Variants in GNA14 observed in about 807,000 individuals in gnomAD.
GNA14 encodes G protein subunit alpha 14.
Under a neutral mutation model 42.0 loss-of-function variants are expected in GNA14, and 50 were observed. That is an observed-to-expected ratio of 1.19 (90% CI 0.95 to 1.51). The LOEUF (loss-of-function observed/expected upper bound fraction) is 1.51, where lower values mean the gene tolerates loss of function less well. Among genes scored for constraint, GNA14 ranks in the 40% most tolerant of loss-of-function variants. The pLI, the probability that GNA14 is intolerant of heterozygous loss-of-function variation, is 0.00. For missense variants in GNA14, 473 were observed against 446.2 expected, an observed-to-expected ratio of 1.06 and a Z score of -0.54; for synonymous variants, 173 against 163.1, an observed-to-expected ratio of 1.06 and a Z score of -0.46.
At chr9:77,504,750 C>T (rs1346516499) in intron 2 of GNA14, among the ~76,000 whole-genome samples, 1 of 149,410 alleles carries the variant, frequency 6.7e-6, no homozygotes, top group Non-Finnish European at 1.5e-5. Context: ...TCACTGCAAC[C>T]TCTGCCTCCT....
In GNA14 at chr9:77,583,369, G is replaced by T. The variant is rs139820224; in HGVS notation, c.125-54116C>A. Among the ~76,000 whole-genome samples, 676 of 152,298 alleles carry T rather than the reference G, an allele frequency of 4.4e-3. 10 individuals carry two copies. Among genetic ancestry groups the T allele is most frequent in the African/African-American group, 0.015 (641 of 41,568 alleles). On this transcript the variant is annotated intron_variant, in intron 1 of 6. Transcript: ENST00000341700. The stretch of plus-strand genomic sequence containing the variant: ...GCAAGCAGCTGGGAAATGTGGAAAA[G>T]CTCTGGCAACAGAAAACCCCAATTC...
At chr9:77,571,031 A>G (rs1287905686) in intron 1 of GNA14, among the ~76,000 whole-genome samples, 1 of 152,160 alleles carries the variant, frequency 6.6e-6, no homozygotes, top group Non-Finnish European at 1.5e-5. Flanking sequence ...TGATAGAGGT[A>G]TTATTTTATA....
chr9:77,626,981 C>T (rs888498270), intron 1 of GNA14, among the ~76,000 whole-genome samples: 4 of 152,000 alleles, frequency 2.6e-5, no homozygotes, highest in African/African-American at 9.7e-5. Context: ...AATAGATAGA[C>T]CACTAACAAG....
chr9:77,492,827 C>G (rs1244790901), intron 2 of GNA14, among the ~76,000 whole-genome samples: 1 of 151,088 alleles, frequency 6.6e-6, no homozygotes, highest in Non-Finnish European at 1.5e-5. Flanking sequence ...CATAATGAAC[C>G]CCATCTCAGC....
chr9:77,423,695 T>A lies in GNA14; in HGVS notation c.*284A>T, dbSNP rs527528425. 34 of 212,712 alleles carry A rather than the reference T, an allele frequency of 1.6e-4. No individual in the cohort carries two copies. The South Asian group carries it at 6.3e-3, about 39-fold the overall frequency. The allele number at this position is 212,712 out of a possible 1,614,324, so 13.2% of individuals were successfully genotyped here. A position where few individuals can be genotyped will look rare whatever the true frequency, so the allele number is the denominator to read the frequency against. ...ATTTAAAACTAAATCAAAGTGGCTT[T>A]TAAAAATTCTAGAAAACACCAAATT... is the stretch of plus-strand genomic sequence containing the variant. On this transcript the variant is annotated 3_prime_UTR_variant, in exon 7 of 7. Transcript: ENST00000341700.
intron 1 of GNA14, among the ~76,000 whole-genome samples, chr9:77,552,408 G>A (rs932424852): frequency 6.6e-6 from 1 of 152,084 alleles, no homozygotes; most frequent in African/African-American, 2.4e-5. Flanking sequence ...TTTGGTTTCT[G>A]GAAAGAATGG....
intron 1 of GNA14, among the ~76,000 whole-genome samples, chr9:77,601,463 A>T (rs541579777): frequency 1.4e-4 from 22 of 152,348 alleles, no homozygotes; most frequent in African/African-American, 5.1e-4. Context: ...CTCTGACCTT[A>T]TATGTTTTAG....
chr9:77,427,086 A>T (rs1376273422), intron 5 of GNA14, among the ~76,000 whole-genome samples: 2 of 152,226 alleles, frequency 1.3e-5, no homozygotes, highest in Admixed American at 1.3e-4. Flanking sequence ...TACAGAGTGG[A>T]TATAATACAT....
intron 1 of GNA14, among the ~76,000 whole-genome samples, chr9:77,641,878 G>T (rs537770255): frequency 6.6e-6 from 1 of 152,050 alleles, no homozygotes; most frequent in Non-Finnish European, 1.5e-5. Flanking sequence ...AGAAAAACAC[G>T]CTTAAGAGTT....
chr9:77,533,233 G>C (rs1229753955), intron 1 of GNA14, among the ~76,000 whole-genome samples: 1 of 152,192 alleles, frequency 6.6e-6, no homozygotes, highest in East Asian at 1.9e-4. Context: ...CTGGAGTGCA[G>C]TGACATGATC....
chr9:77,625,017 T>TATA (rs1823990867), intron 1 of GNA14, among the ~76,000 whole-genome samples: 1 of 150,872 alleles, frequency 6.6e-6, no homozygotes, highest in African/African-American at 2.4e-5. Context: ...AAAAAAAGGC[T>TATA]ATACGAATTG....
intron 1 of GNA14, among the ~76,000 whole-genome samples, chr9:77,592,289 TTGTG>T (rs998596165): frequency 6.6e-6 from 1 of 152,164 alleles, no homozygotes; most frequent in African/African-American, 2.4e-5. Context: ...AACTGTGTAA[TTGTG>T]TGGTGTGTGT....
At chr9:77,507,038 A>G (rs947505110) in intron 2 of GNA14, among the ~76,000 whole-genome samples, 1 of 152,234 alleles carries the variant, frequency 6.6e-6, no homozygotes, top group Non-Finnish European at 1.5e-5. Context: ...GATAAAGAAC[A>G]TAGCAGATTT....
At chr9:77,609,960 C>A (rs1823704698) in intron 1 of GNA14, among the ~76,000 whole-genome samples, 1 of 152,184 alleles carries the variant, frequency 6.6e-6, no homozygotes, top group African/African-American at 2.4e-5. Context: ...GGAAGCTCAT[C>A]AAACAACCAG....
At chr9:77,433,556 T>A (rs979788579) in intron 3 of GNA14, among the ~76,000 whole-genome samples, 2 of 151,844 alleles carry the variant, frequency 1.3e-5, no homozygotes, top group African/African-American at 4.8e-5. Context: ...AGAGACGAGG[T>A]CTTGCTCTGC....
intron 1 of GNA14, among the ~76,000 whole-genome samples, chr9:77,532,796 A>G (rs961059018): frequency 2.0e-5 from 3 of 152,142 alleles, no homozygotes; most frequent in Admixed American, 2.0e-4. Context: ...CACAAAATGC[A>G]TGTGCTGGTG....
chr9:77,500,994 C>CA (rs1408439340), intron 2 of GNA14, among the ~76,000 whole-genome samples: 1 of 151,564 alleles, frequency 6.6e-6, no homozygotes, highest in Admixed American at 6.6e-5. Flanking sequence ...CTCGCTCTGT[C>CA]ACCAGGCTGG....
intron 1 of GNA14, among the ~76,000 whole-genome samples, chr9:77,560,619 T>G (rs1354905751): frequency 3.9e-5 from 6 of 152,114 alleles, no homozygotes; most frequent in African/African-American, 1.4e-4. Context: ...CCTAGCCTGC[T>G]CCCCTGTCTT....
chr9:77,592,149 G>T (rs185365273), intron 1 of GNA14, among the ~76,000 whole-genome samples: 1 of 151,982 alleles, frequency 6.6e-6, no homozygotes, highest in Non-Finnish European at 1.5e-5. Flanking sequence ...TGATCCGCCC[G>T]CCTCAGCCTC....
Sources: allele counts gnomAD v4.1 joint callset (sites outside exome capture counted in the v4.1 genomes callset), GRCh38; gene constraint gnomAD v4.1.1; transcripts MANE v1.5; gene names NCBI Gene and HGNC (gene_info 2026-07-23, HGNC 2026-07-21).